Variants in CHRNA1 observed in about 807,000 individuals in gnomAD.
CHRNA1 encodes the protein acetylcholine receptor subunit alpha.
CHRNA1 carries 35 observed loss-of-function variants against 47.1 expected under a neutral mutation model. The ratio of observed to expected loss-of-function variants is 0.74; its 90% CI spans 0.57 to 0.99. The LOEUF (loss-of-function observed/expected upper bound fraction) is 0.99, where lower values mean the gene tolerates loss of function less well. Ranked by LOEUF, CHRNA1 falls within the 50% of genes least tolerant of loss-of-function variation. The pLI, the probability that CHRNA1 is intolerant of heterozygous loss-of-function variation, is 0.00. For missense variants in CHRNA1, 506 were observed against 591.1 expected, an observed-to-expected ratio of 0.86 and a Z score of 1.49; for synonymous variants, 229 against 223.6, an observed-to-expected ratio of 1.02 and a Z score of -0.22.
chr2:174,755,985 A>C (rs1683974362), intron 4 of CHRNA1, among the ~76,000 whole-genome samples: 1 of 151,764 alleles, frequency 6.6e-6, no homozygotes. Flanking sequence ...GCAATGAGCT[A>C]TGATCACACC....
At position 174,754,424 on chromosome 2, in the gene CHRNA1, G is replaced by A. The variant is rs775001526; in HGVS notation, c.345-10C>T. On this transcript the variant is annotated splice_polypyrimidine_tract_variant and intron_variant, in intron 4 of 8. Coordinates refer to ENST00000348749, the MANE Select transcript of CHRNA1 (RefSeq NM_000079.4). ...AAAGTCACCATCTGCACTACAATTG[G>A]GATAAAAGAGGAAAATGGCTCCAAG... 2.6e-5 allele frequency: 42 copies of A among 1,613,218 alleles called. No homozygotes were observed. Among genetic ancestry groups the A allele is most frequent in the Non-Finnish European group, 5.1e-6 (6 of 1,179,712 alleles).
chr2:174,749,834 A>T, intron 7 of CHRNA1, 112 bp downstream of exon 7: 1 of 942,138 alleles, frequency 1.1e-6, no homozygotes, highest in Non-Finnish European at 1.7e-6. Flanking sequence ...AAGCCCAAAG[A>T]GAACTTAGTT....
intron 1 of CHRNA1, among the ~76,000 whole-genome samples, chr2:174,763,343 C>CAT (rs1684133023): frequency 6.6e-6 from 1 of 152,128 alleles, no homozygotes; most frequent in Non-Finnish European, 1.5e-5. Flanking sequence ...CACACACACA[C>CAT]ACACACACAC....
At chr2:174,757,531 A>T in intron 4 of CHRNA1, 35 bp downstream of exon 4, 2 of 1,524,482 alleles carry the variant, frequency 1.3e-6, no homozygotes, top group African/African-American at 2.7e-5. Flanking sequence ...CACCTGCCCC[A>T]GGAGCACCCT....
chr2:174,763,741 A>G (rs1181937607), intron 1 of CHRNA1, among the ~76,000 whole-genome samples: 1 of 152,076 alleles, frequency 6.6e-6, no homozygotes, highest in Non-Finnish European at 1.5e-5. Flanking sequence ...TATATATAGT[A>G]ACATCTTAAA....
rs186421442 is a variant in CHRNA1, at chr2:174,754,234, G to A, written c.525C>T (p.Val175=). The change falls in exon 5 of 9, where the codon GTC becomes GTT. Residue 175 remains valine (V), a synonymous_variant. Coordinates refer to ENST00000348749, the MANE Select transcript of CHRNA1 (RefSeq NM_000079.4). ...CACCACCTACCGGGTTGATGGCCAC[G>A]ACAGAGCCGTCGTAGGTCCAGGTGC... The part of the protein sequence containing the change: ...KLGTWTYDGS[V]VAINPESDQP... The A allele has an allele frequency of 1.1e-5, 17 of 1,613,576 alleles. No individual in the cohort carries two copies. The African/African-American group carries it at 1.5e-4, about 14-fold the overall frequency.
At position 174,748,796 on chromosome 2, in the gene CHRNA1, A is replaced by G; in HGVS notation, c.1026T>C (p.Asn342=). Residue 342 remains asparagine, a synonymous_variant, in exon 8 of 9, where the codon AAT becomes AAC. Transcript: ENST00000348749. The part of the protein sequence containing the change: ...VRKVFIDTIP[N]IMFFSTMKRP... ...TTTTCATTGTGGAGAAAAACATGAT[A>G]TTTGGGATAGTGTCGATAAAAACCT... is the stretch of plus-strand genomic sequence containing the variant. 2 of 1,614,200 alleles carry G rather than the reference A, an allele frequency of 1.2e-6. No homozygotes were observed. Among genetic ancestry groups the G allele is most frequent in the Non-Finnish European group, 1.7e-6 (2 of 1,180,028 alleles).
intron 1 of CHRNA1, among the ~76,000 whole-genome samples, chr2:174,762,849 T>C (rs1684123447): frequency 6.6e-6 from 1 of 152,228 alleles, no homozygotes. Flanking sequence ...TCCATTTGTA[T>C]TTGTATGTAG....
In CHRNA1 at chr2:174,757,579, C is replaced by G; in HGVS notation, c.331G>C (p.Val111Leu). Residue 111 changes from valine (V) to leucine (L), a missense_variant, in exon 4 of 9, where the codon GTT becomes CTT. Transcript: ENST00000348749. ...PSEKIWRPDL[V>L]LYNNADGDFA... ...CAGTTTGCTCACTTGTTATAGAGAA[C>G]AAGGTCTGGGCGCCAGATCTTTTCT... 1 of 1,613,814 alleles carries G rather than the reference C, an allele frequency of 6.2e-7. No homozygotes were observed. The highest frequency in any genetic ancestry group is 8.5e-7 in the Non-Finnish European group (1 of 1,179,698).
chr2:174,760,816 G>A (rs923127230), intron 1 of CHRNA1, among the ~76,000 whole-genome samples: 3 of 152,182 alleles, frequency 2.0e-5, no homozygotes, highest in Non-Finnish European at 2.9e-5. Context: ...GTTGACCTGG[G>A]TTTGGGGCTC....
chr2:174,750,168 C>T lies in CHRNA1; in HGVS notation c.780G>A (p.Gly260=), dbSNP rs148502695. The T allele has an allele frequency of 4.3e-5, 68 of 1,572,338 alleles. No homozygotes were observed. The African/African-American group carries it at 9.2e-4, about 21-fold the overall frequency. The change falls in exon 7 of 9, where the codon GGG becomes GGA. Residue 260 remains glycine, a splice_region_variant and synonymous_variant. Transcript: ENST00000348749. ...CAGAGATGCTCAGAGTCATCTTCTC[C>T]CCTGAAAAGACCAAAAAAAAAAAAA... is the stretch of plus-strand genomic sequence containing the variant. ...GLVFYLPTDS[G]EKMTLSISVL... is the part of the protein sequence containing the mutation.
Position 174,748,031 on chromosome 2 carries a change from A to C in CHRNA1, c.*93T>G. 4.7e-6 allele frequency: 7 copies of C among 1,485,446 alleles called. No individual in the cohort carries two copies. In the East Asian group the frequency reaches 1.6e-4, roughly 34 times the overall value. The allele number at this position is 1,485,446 out of a possible 1,614,324, so 92.0% of individuals were successfully genotyped here. A position where few individuals can be genotyped will look rare whatever the true frequency, so the allele number is the denominator to read the frequency against. ...AGTATGGAATATAACACGTTTGATA[A>C]GTGCGAGTGGAGCAAGTAGACAAAT... is the stretch of plus-strand genomic sequence containing the variant. On this transcript the variant is annotated 3_prime_UTR_variant, in exon 9 of 9. Coordinates refer to ENST00000348749, the MANE Select transcript of CHRNA1 (RefSeq NM_000079.4).
In CHRNA1 at chr2:174,754,197, A is replaced by G. The variant is rs373838294; in HGVS notation, c.540+22T>C. 2.1e-5 allele frequency: 34 copies of G among 1,611,860 alleles called. No homozygotes were observed. The African/African-American group carries it at 2.7e-4, about 13-fold the overall frequency. On this transcript the variant is annotated intron_variant, in intron 5 of 8. Coordinates refer to ENST00000348749, the MANE Select transcript of CHRNA1 (RefSeq NM_000079.4). ...TCACAATTTTCCTGAAACCACCCTT[A>G]TCATATGTGGCCACCACCTACCGGG...
intron 6 of CHRNA1, among the ~76,000 whole-genome samples, chr2:174,750,414 C>T (rs146454433): frequency 1.1e-3 from 168 of 152,204 alleles, no homozygotes; most frequent in African/African-American, 3.7e-3. Flanking sequence ...GATGCATAGA[C>T]GGAAGGCCAT....
chr2:174,753,318 G>C, intron 6 of CHRNA1, 185 bp downstream of exon 6: 1 of 760,020 alleles, frequency 1.3e-6, no homozygotes, highest in Non-Finnish European at 2.4e-6. Flanking sequence ...GTCTGCCCCA[G>C]CTGTGAGCTC....
Position 174,759,557 on chromosome 2 carries a change from C to G in CHRNA1, c.120G>C (p.Arg40=). The G allele has an allele frequency of 7.4e-6, 12 of 1,613,986 alleles. No homozygotes were observed. The highest frequency in any genetic ancestry group is 1.0e-5 in the Non-Finnish European group (12 of 1,180,000). The part of the protein sequence containing the change: ...KLFKDYSSVV[R]PVEDHRQVVE... ...CGACCTGGCGGTGGTCTTCCACTGG[C>G]CGCACCACGCTGCTGTAGTCTTTAA... Residue 40 remains arginine (R), a synonymous_variant, in exon 2 of 9, where the codon CGG becomes CGC. Coordinates refer to ENST00000348749, the MANE Select transcript of CHRNA1 (RefSeq NM_000079.4).
chr2:174,761,729 A>T (rs1357630313), intron 1 of CHRNA1, among the ~76,000 whole-genome samples: 1 of 152,100 alleles, frequency 6.6e-6, no homozygotes, highest in Admixed American at 6.5e-5. Context: ...TCTTGAAGGG[A>T]ATATGTTGTT....
Position 174,748,217 on chromosome 2 carries a change from G to A in CHRNA1, c.1281C>T (p.Asp427=). 1.2e-6 allele frequency: 2 copies of A among 1,614,084 alleles called. No individual in the cohort carries two copies. The highest frequency in any genetic ancestry group is 2.2e-5 in the South Asian group (2 of 91,068). The change falls in exon 9 of 9, where the codon GAC becomes GAT. Residue 427 remains aspartate (D), a synonymous_variant. Coordinates refer to ENST00000348749, the MANE Select transcript of CHRNA1 (RefSeq NM_000079.4). The part of the protein sequence containing the change: ...AEWKYVAMVM[D]HILLGVFMLV... ...GCATGAAGACTCCGAGGAGTATGTG[G>A]TCCATCACCATTGCAACGTACTTCC...
intron 4 of CHRNA1, 117 bp downstream of exon 4, chr2:174,757,449 C>G: frequency 2.8e-6 from 2 of 702,482 alleles, no homozygotes; most frequent in South Asian, 3.0e-5. Flanking sequence ...AGCCACCATC[C>G]TGGGTGATTT....
Sources: allele counts gnomAD v4.1 joint callset (sites outside exome capture counted in the v4.1 genomes callset), GRCh38; gene constraint gnomAD v4.1.1; transcripts MANE v1.5; gene names NCBI Gene and HGNC (gene_info 2026-07-23, HGNC 2026-07-21).